Variants in KDM4C observed in about 807,000 individuals in gnomAD.
KDM4C encodes lysine-specific demethylase 4C.
In KDM4C, 81 loss-of-function variants were observed where a neutral mutation model predicts 129.3. The observed-to-expected ratio is 0.63, with a 90% CI of 0.52 to 0.75. The LOEUF (loss-of-function observed/expected upper bound fraction) is 0.75, where lower values mean the gene tolerates loss of function less well. KDM4C is among the 30% of genes least tolerant of loss of function. KDM4C has a pLI of 0.00. For synonymous variants in KDM4C, 573 were observed against 456.1 expected (o/e 1.26, Z -3.26); for missense variants, 1,457 against 1,304.0 (o/e 1.12, Z -1.81).
intron 17 of KDM4C, among the ~76,000 whole-genome samples, chr9:7,056,789 G>A (rs987967043): frequency 6.6e-6 from 1 of 152,146 alleles, no homozygotes; most frequent in African/African-American, 2.4e-5. Context: ...ATTGACGAAT[G>A]CTCCATTTTT....
intron 17 of KDM4C, among the ~76,000 whole-genome samples, chr9:7,087,110 G>C (rs1336682008): frequency 7.7e-6 from 1 of 130,020 alleles, no homozygotes; most frequent in African/African-American, 2.9e-5. Context: ...TTTCACTTTT[G>C]ACAGAATTAA....
chr9:6,745,551 C>G (rs116962182), intron 1 of KDM4C, among the ~76,000 whole-genome samples: 3,734 of 138,250 alleles, frequency 0.027, 70 homozygotes, highest in Non-Finnish European at 0.039. Flanking sequence ...GATGGCACCT[C>G]TGCGCAAGAG....
intron 5 of KDM4C, among the ~76,000 whole-genome samples, chr9:6,856,829 C>G (rs1390749315): frequency 2.0e-5 from 3 of 148,380 alleles, no homozygotes; most frequent in African/African-American, 7.5e-5. Flanking sequence ...GCAATCTCGG[C>G]TCACTGCAAG....
intron 12 of KDM4C, among the ~76,000 whole-genome samples, chr9:7,009,198 A>G (rs557672830): frequency 6.6e-6 from 1 of 152,386 alleles, no homozygotes; most frequent in East Asian, 1.9e-4. Flanking sequence ...GATAGAAGCC[A>G]TAAAAGAGAA....
intron 1 of KDM4C, among the ~76,000 whole-genome samples, chr9:6,768,715 A>AT (rs979365153): frequency 7.3e-5 from 11 of 150,048 alleles, no homozygotes; most frequent in African/African-American, 1.7e-4. Flanking sequence ...CATGATCTTG[A>AT]TTTTTTTTTC....
intron 19 of KDM4C, among the ~76,000 whole-genome samples, chr9:7,136,319 T>C (rs995037681): frequency 6.6e-5 from 10 of 152,232 alleles, no homozygotes; most frequent in African/African-American, 2.4e-4. Context: ...TATGGACATG[T>C]GTTTTCATTT....
chr9:6,754,456 G>A (rs935276900), upstream of KDM4C, among the ~76,000 whole-genome samples: 1 of 152,120 alleles, frequency 6.6e-6, no homozygotes, highest in Non-Finnish European at 1.5e-5. Context: ...TAGGTGATAT[G>A]CCCGCCTTGG....
At chr9:6,854,332 C>G (rs1588706124) in intron 5 of KDM4C, among the ~76,000 whole-genome samples, 1 of 151,898 alleles carries the variant, frequency 6.6e-6, no homozygotes, top group African/African-American at 2.4e-5. Flanking sequence ...AGCTCGAGAC[C>G]AGCCTCAACA....
intron 7 of KDM4C, among the ~76,000 whole-genome samples, chr9:6,889,252 G>GTGTGTGTGTGTGTGTGTGTGT (rs747649175): frequency 2.8e-4 from 21 of 75,068 alleles, no homozygotes; most frequent in African/African-American, 1.0e-3. Context: ...TGTGTGTGTG[G>GTGTGTGTGTGTGTGTGTGTGT]GAGGGTGGGG....
intron 17 of KDM4C, among the ~76,000 whole-genome samples, chr9:7,054,480 A>G (rs567686733): frequency 6.6e-6 from 1 of 152,360 alleles, no homozygotes; most frequent in Admixed American, 6.5e-5. Flanking sequence ...TTTACAATAT[A>G]AAAATGATCA....
At position 7,170,939 on chromosome 9, in the gene KDM4C, CA is replaced by C. The variant is rs543398910; in HGVS notation, c.2994+1058del. The C allele has an allele frequency of 2.3e-3, 355 of 153,042 alleles. 4 individuals are homozygous for C. The South Asian group carries it at 0.035, about 15-fold the overall frequency. 9.5% of individuals were successfully genotyped at this position (153,042 alleles called of 1,614,324 possible). ...CTACTAAAAAAAAAAAAAAAAAAAGCAAAAAAAAACTCATAATGTTTTAAGC... is the reference window on the plus strand; with the variant it reads ...CTACTAAAAAAAAAAAAAAAAAAAGCAAAAAAAACTCATAATGTTTTAAGC... On this transcript the variant is annotated intron_variant, in intron 21 of 21. Transcript: ENST00000381309.
chr9:7,056,315 C>G (rs1369489135), intron 17 of KDM4C, among the ~76,000 whole-genome samples: 1 of 149,952 alleles, frequency 6.7e-6, no homozygotes, highest in East Asian at 1.9e-4. Flanking sequence ...ATACATATGT[C>G]TCCAGCTTTG....
At chr9:6,975,638 T>C (rs906197501) in intron 8 of KDM4C, among the ~76,000 whole-genome samples, 17 of 152,226 alleles carry the variant, frequency 1.1e-4, no homozygotes, top group African/African-American at 4.1e-4. Flanking sequence ...AATATACTTC[T>C]CTATAAGACA....
rs575913395 is a variant in KDM4C, at chr9:7,093,811, G to A, written c.2425-9874G>A. Among the ~76,000 whole-genome samples, 206 of 152,256 alleles carry A rather than the reference G, an allele frequency of 1.4e-3. 1 individual carries two copies. The highest frequency in any genetic ancestry group is 1.7e-3 in the Non-Finnish European group (118 of 68,000). On this transcript the variant is annotated intron_variant, in intron 17 of 21. Transcript: ENST00000381309. ...AAGTAATTATAAGCATAAATATTTT[G>A]AAACTGTCTCTGGATCTGAAGGTAG...
At chr9:6,727,646 C>T (rs1372427171) in intron 1 of KDM4C, among the ~76,000 whole-genome samples, 1 of 85,758 alleles carries the variant, frequency 1.2e-5, no homozygotes, top group African/African-American at 5.1e-5. Flanking sequence ...AAAAGTATCC[C>T]TAAAGGCCAC....
intron 17 of KDM4C, among the ~76,000 whole-genome samples, chr9:7,051,320 G>T (rs546983994): frequency 1.3e-5 from 2 of 152,280 alleles, no homozygotes; most frequent in African/African-American, 2.4e-5. Flanking sequence ...GAGTCCTCAG[G>T]AAGGAATCAT....
At chr9:7,138,846 T>A (rs1171689223) in intron 19 of KDM4C, among the ~76,000 whole-genome samples, 1 of 152,160 alleles carries the variant, frequency 6.6e-6, no homozygotes, top group Non-Finnish European at 1.5e-5. Flanking sequence ...AAAGATGCCT[T>A]TTGTAGATTT....
At chr9:6,810,021 A>G (rs570297517) in intron 3 of KDM4C, among the ~76,000 whole-genome samples, 9 of 151,246 alleles carry the variant, frequency 6.0e-5, no homozygotes, top group African/African-American at 1.9e-4. Context: ...AAATATAGCC[A>G]TATATAACTT....
chr9:6,800,021 G>A (rs1217290218), intron 2 of KDM4C, among the ~76,000 whole-genome samples: 1 of 151,166 alleles, frequency 6.6e-6, no homozygotes, highest in Non-Finnish European at 1.5e-5. Context: ...CCATGAGTTC[G>A]AGACCAGCCC....
Sources: gnomAD v4.1 joint callset for allele counts (sites outside exome capture counted in the v4.1 genomes callset) on GRCh38, gnomAD v4.1.1 for gene constraint, MANE v1.5 for transcripts, NCBI Gene and HGNC (gene_info 2026-07-23, HGNC 2026-07-21) for gene names.